The following ZW10 variants were observed in gnomAD, a reference collection of about 807,000 sequenced individuals.
The protein encoded by ZW10 is zw10 kinetochore protein.
Under a neutral mutation model 87.8 loss-of-function variants are expected in ZW10, and 53 were observed. That is an observed-to-expected ratio of 0.60 (90% CI 0.48 to 0.76). The LOEUF (loss-of-function observed/expected upper bound fraction) is 0.76. ZW10 is among the 30% of genes least tolerant of loss of function. The pLI is 0.00. For missense variants in ZW10, 837 were observed against 923.0 expected, an observed-to-expected ratio of 0.91 and a Z score of 1.21; for synonymous variants, 312 against 329.2, an observed-to-expected ratio of 0.95 and a Z score of 0.57.
In ZW10 at chr11:113,738,358, T is replaced by C. The variant is rs1299608753; in HGVS notation, c.1790A>G (p.Lys597Arg). 3 of 1,613,640 alleles carry C rather than the reference T, an allele frequency of 1.9e-6. No homozygotes were observed. Among genetic ancestry groups the C allele is most frequent in the Non-Finnish European group, 1.7e-6 (2 of 1,179,824 alleles). The change falls in exon 13 of 16, where the codon AAA (lysine) becomes AGA (arginine). Residue 597 changes from lysine (K) to arginine (R), a missense_variant. Lys to Arg is a conservative substitution (Grantham distance 26). Transcript: ENST00000200135. Reference protein sequence around the residue: ...ECFLAQMRAQKGELLERLSSA... With the variant: ...ECFLAQMRAQRGELLERLSSA... ...TGATAATCTTTCCAGAAGTTCACCT[T>C]TCTGTGCCCGCATTTGGGCCAAAAA...
At chr11:113,760,720 A>C in intron 3 of ZW10, 97 bp downstream of exon 3, 1 of 1,168,750 alleles carries the variant, frequency 8.6e-7, no homozygotes. Context: ...AAAAAAAAAT[A>C]TGAAGACAAA....
chr11:113,752,075 G>T (rs1160304055), intron 7 of ZW10, among the ~76,000 whole-genome samples: 2 of 152,152 alleles, frequency 1.3e-5, no homozygotes, highest in Non-Finnish European at 2.9e-5. Context: ...CAATAAATAT[G>T]AACTTATGTT....
chr11:113,758,920 T>A (rs1263801339), intron 5 of ZW10, among the ~76,000 whole-genome samples: 3 of 152,192 alleles, frequency 2.0e-5, no homozygotes, highest in Non-Finnish European at 4.4e-5. Flanking sequence ...ATGTCTGTAA[T>A]CCCAGCACTT....
chr11:113,757,754 T>G lies in ZW10; in HGVS notation c.833A>C (p.Glu278Ala), dbSNP rs373841246. ...ATATTCCAAGTTAGTCATTATAGAT[T>G]CAAAACGAATAATAACTATGTTAGG... is the stretch of plus-strand genomic sequence containing the variant. ...SQPNIVIIRF[E>A]SIMTNLEYPS... The change falls in exon 7 of 16, where the codon GAA (glutamate) becomes GCA (alanine). Residue 278 changes from glutamate (E) to alanine (A), a missense_variant. Physicochemically the swap from Glu to Ala is moderately radical, Grantham distance 107 (BLOSUM62 -1). Transcript: ENST00000200135. The G allele has an allele frequency of 2.4e-5, 38 of 1,613,664 alleles. No individual in the cohort carries two copies. Among genetic ancestry groups the G allele is most frequent in the Non-Finnish European group, 2.4e-5 (28 of 1,179,818 alleles).
In ZW10 at chr11:113,767,049, T is replaced by A. The variant is rs1030480941; in HGVS notation, c.240+1784A>T. On this transcript the variant is annotated intron_variant, in intron 2 of 15. Coordinates refer to ENST00000200135, the MANE Select transcript of ZW10 (RefSeq NM_004724.4). ...TTTTTTTAAAGAATCCATGAAACTT[T>A]AGCAGGCTAACTTACCGACTTTCAA... 2.0e-5 allele frequency among the ~76,000 whole-genome samples: 3 copies of A among 152,032 alleles called. No individual in the cohort carries two copies. In the East Asian group the frequency reaches 5.8e-4, roughly 29 times the overall value.
At chr11:113,748,481 TA>T (rs1254562811) in intron 7 of ZW10, 61 bp from the exon 8 acceptor site, 3 of 1,397,302 alleles carry the variant, frequency 2.1e-6, no homozygotes, top group Non-Finnish European at 1.9e-6. Flanking sequence ...GGAATATTCT[TA>T]GGTTTTCTAG....
At chr11:113,769,108 G>C (rs1953937028) in intron 1 of ZW10, 141 bp from the exon 2 acceptor site, 2 of 767,178 alleles carry the variant, frequency 2.6e-6, no homozygotes, top group African/African-American at 3.5e-5. Flanking sequence ...TTCCCTCCAA[G>C]CCAATGAGTT....
chr11:113,772,771 G>A (rs1234644930), intron 1 of ZW10, among the ~76,000 whole-genome samples: 1 of 147,978 alleles, frequency 6.8e-6, no homozygotes, highest in Non-Finnish European at 1.5e-5. Flanking sequence ...TCAAGAGTTC[G>A]AGACCAGTCT....
At chr11:113,759,308 CCTCTT>C (rs142122511) in intron 5 of ZW10, among the ~76,000 whole-genome samples, 10,631 of 152,134 alleles carry the variant, frequency 0.07, 417 homozygotes, top group African/African-American at 0.1. Context: ...ACACACCTGC[CCTCTT>C]CTCTTAACTA....
intron 2 of ZW10, among the ~76,000 whole-genome samples, chr11:113,762,861 C>A (rs1353070020): frequency 6.6e-6 from 1 of 152,192 alleles, no homozygotes; most frequent in Non-Finnish European, 1.5e-5. Context: ...AACGCAAACA[C>A]ACTATACGCT....
At chr11:113,754,260 G>A (rs762950976) in intron 7 of ZW10, among the ~76,000 whole-genome samples, 2 of 152,154 alleles carry the variant, frequency 1.3e-5, no homozygotes, top group South Asian at 2.1e-4. Flanking sequence ...CAAGGCAGGT[G>A]GACTTCTTGA....
At chr11:113,736,504 A>G (rs541514116) in intron 15 of ZW10, 116 bp downstream of exon 15, 1 of 1,015,608 alleles carries the variant, frequency 9.8e-7, no homozygotes, top group South Asian at 1.4e-5. Context: ...GCTACTCAAT[A>G]TGAAAGTCTT....
intron 15 of ZW10, among the ~76,000 whole-genome samples, chr11:113,735,187 T>C (rs987689107): frequency 6.6e-6 from 1 of 152,094 alleles, no homozygotes; most frequent in Non-Finnish European, 1.5e-5. Context: ...CACAAATCTC[T>C]GGGGGAAAAA....
chr11:113,734,411 C>T (rs1953526419), intron 15 of ZW10, among the ~76,000 whole-genome samples: 1 of 152,124 alleles, frequency 6.6e-6, no homozygotes, highest in African/African-American at 2.4e-5. Context: ...ATTCCAAATA[C>T]TGGTGAAAAT....
At chr11:113,761,593 T>A (rs1953861099) in intron 2 of ZW10, among the ~76,000 whole-genome samples, 2 of 152,174 alleles carry the variant, frequency 1.3e-5, no homozygotes, top group Non-Finnish European at 2.9e-5. Context: ...AAAGATTTAA[T>A]ATTGAGGCAG....
chr11:113,736,275 A>C (rs536890950), intron 15 of ZW10, among the ~76,000 whole-genome samples: 15 of 144,176 alleles, frequency 1.0e-4, no homozygotes, highest in African/African-American at 3.3e-4. Flanking sequence ...ACCATGTCTC[A>C]AAAAAAAAAA....
chr11:113,759,175 G>A (rs1414719476), intron 5 of ZW10, among the ~76,000 whole-genome samples: 5 of 152,164 alleles, frequency 3.3e-5, no homozygotes, highest in Middle Eastern at 3.4e-3. Context: ...CAGCCTGGGC[G>A]ACAGAGCGAG....
At chr11:113,749,326 A>C (rs1386426061) in intron 7 of ZW10, among the ~76,000 whole-genome samples, 1 of 152,210 alleles carries the variant, frequency 6.6e-6, no homozygotes, top group African/African-American at 2.4e-5. Flanking sequence ...AAACACTTAA[A>C]ATGTGGCTAG....
In ZW10 at chr11:113,743,944, C is replaced by A; in HGVS notation, c.1369G>T (p.Glu457Ter). 6.2e-7 allele frequency: 1 copy of A among 1,614,174 alleles called. No homozygotes were observed. Among genetic ancestry groups the A allele is most frequent in the African/African-American group, 1.3e-5 (1 of 75,052 alleles). ...TTTTCAGGCTCTAAATTCATCACTT[C>A]GTGGTACTGAGTATTGGATACTTTC... ...VQKVSNTQYHEVMNLEPENTL... is the reference protein window; with the variant it reads ...VQKVSNTQYH The change falls in exon 10 of 16, where the codon GAA (glutamate) becomes TAA (stop). Residue 457 changes from glutamate to a stop codon, truncating the protein, a stop_gained. Coordinates refer to ENST00000200135, the MANE Select transcript of ZW10 (RefSeq NM_004724.4). LOFTEE classifies it high-confidence loss of function.
Sources: gnomAD v4.1 joint callset for allele counts (sites outside exome capture counted in the v4.1 genomes callset) on GRCh38, gnomAD v4.1.1 for gene constraint, MANE v1.5 for transcripts, NCBI Gene and HGNC (gene_info 2026-07-23, HGNC 2026-07-21) for gene names.